The following GRID2 variants were observed in gnomAD, a reference collection of about 807,000 sequenced individuals.
The protein encoded by GRID2 is glutamate ionotropic receptor delta type subunit 2.
Under a neutral mutation model 114.8 loss-of-function variants are expected in GRID2, and 33 were observed. The ratio of observed to expected loss-of-function variants is 0.29; its 90% CI spans 0.22 to 0.38. GRID2 has a LOEUF of 0.38. GRID2 is among the 10% of genes least tolerant of loss of function. The pLI is 1.00. For synonymous variants in GRID2, 505 were observed against 449.9 expected (o/e 1.12, Z -1.55); for missense variants, 1,184 against 1,257.7 (o/e 0.94, Z 0.89).
chr4:93,443,960 G>A (rs567013207), intron 10 of GRID2, among the ~76,000 whole-genome samples: 2 of 151,908 alleles, frequency 1.3e-5, no homozygotes, highest in Admixed American at 6.6e-5. Flanking sequence ...TGTGGGCAAA[G>A]CAATGTGAAA....
At position 93,201,458 on chromosome 4, in the gene GRID2, G is replaced by C. The variant is rs1041426452; in HGVS notation, c.736-5946G>C. Among the ~76,000 whole-genome samples, 5 of 152,290 alleles carry C rather than the reference G, an allele frequency of 3.3e-5. No individual in the cohort carries two copies. In the South Asian group the frequency reaches 1.0e-3, roughly 32 times the overall value. On this transcript the variant is annotated intron_variant, in intron 4 of 15. Transcript: ENST00000282020. Reference sequence around the variant, plus strand: ...GTATCTGCTGGTGTCCTCTGCCTATGCATGCCCCTTGCTGATCTCCACCTG... The same window carrying C: ...GTATCTGCTGGTGTCCTCTGCCTATCCATGCCCCTTGCTGATCTCCACCTG...
intron 13 of GRID2, among the ~76,000 whole-genome samples, chr4:93,592,650 A>G (rs961864411): frequency 6.6e-6 from 1 of 152,078 alleles, no homozygotes; most frequent in Non-Finnish European, 1.5e-5. Context: ...TAATGTTGAC[A>G]GTGGGGTGTT....
intron 8 of GRID2, among the ~76,000 whole-genome samples, chr4:93,389,718 A>T (rs188814710): frequency 2.6e-3 from 402 of 152,220 alleles, no homozygotes; most frequent in African/African-American, 9.4e-3. Flanking sequence ...CAAAATAATG[A>T]CTTTATTAAA....
chr4:93,790,359 AT>A (rs1348045537), intron 1 of GRID2, among the ~76,000 whole-genome samples: 1 of 152,184 alleles, frequency 6.6e-6, no homozygotes, highest in African/African-American at 2.4e-5. Context: ...ATCTACAATG[AT>A]TACTTAGAAT....
At chr4:93,780,903 A>ATAAT in intron 1 of GRID2, among the ~76,000 whole-genome samples, 4 of 152,358 alleles carry the variant, frequency 2.6e-5, no homozygotes, top group Admixed American at 2.6e-4. Context: ...GGGCTGGACA[A>ATAAT]TAATTTCGGT....
chr4:92,752,205 TC>T (rs1311197775), intron 2 of GRID2, among the ~76,000 whole-genome samples: 2 of 152,178 alleles, frequency 1.3e-5, no homozygotes, highest in African/African-American at 4.8e-5. Context: ...AAACTTCAAT[TC>T]AGTAGTGAGA....
chr4:92,880,451 G>A (rs1745925373), intron 2 of GRID2, among the ~76,000 whole-genome samples: 1 of 151,786 alleles, frequency 6.6e-6, no homozygotes, highest in Non-Finnish European at 1.5e-5. Context: ...CTAAAGCTTA[G>A]TTTCGACTTT....
intron 2 of GRID2, among the ~76,000 whole-genome samples, chr4:92,827,805 T>G (rs537426171): frequency 6.6e-6 from 1 of 152,236 alleles, no homozygotes; most frequent in Non-Finnish European, 1.5e-5. Context: ...TTTGCTATTT[T>G]ATGTTTCAAA....
chr4:93,334,258 A>G (rs1028011405), intron 8 of GRID2, among the ~76,000 whole-genome samples: 1 of 152,182 alleles, frequency 6.6e-6, no homozygotes, highest in South Asian at 2.1e-4. Flanking sequence ...TTCCCACAGC[A>G]TGCAAATTAT....
chr4:92,996,362 A>C lies in GRID2; in HGVS notation c.245-88633A>C, dbSNP rs190948504. Reference sequence around the variant, plus strand: ...GATGTTTGCTACTAAAAGGTTTTTAATTATTTATTTTTATCATATCATATT... The same window carrying C: ...GATGTTTGCTACTAAAAGGTTTTTACTTATTTATTTTTATCATATCATATT... On this transcript the variant is annotated intron_variant, in intron 2 of 15. Coordinates refer to ENST00000282020, the MANE Select transcript of GRID2 (RefSeq NM_001510.4). Among the ~76,000 whole-genome samples, 218 of 152,168 alleles carry C rather than the reference A, an allele frequency of 1.4e-3. 1 individual carries two copies. The highest frequency in any genetic ancestry group is 5.2e-3 in the African/African-American group (215 of 41,524).
At chr4:93,798,681 C>G (rs564741479) in intron 1 of GRID2, among the ~76,000 whole-genome samples, 1 of 152,200 alleles carries the variant, frequency 6.6e-6, no homozygotes, top group Non-Finnish European at 1.5e-5. Flanking sequence ...GTGTTATTGA[C>G]AACACAGAAT....
At chr4:92,588,835 G>T (rs1204455030) in intron 1 of GRID2, among the ~76,000 whole-genome samples, 2 of 152,098 alleles carry the variant, frequency 1.3e-5, no homozygotes, top group African/African-American at 4.8e-5. Context: ...AGGCACAGCG[G>T]CTCACTCCTT....
intron 1 of GRID2, among the ~76,000 whole-genome samples, chr4:92,376,018 A>C (rs1370111066): frequency 6.6e-6 from 1 of 152,174 alleles, no homozygotes; most frequent in African/African-American, 2.4e-5. Context: ...TCTCCATAAA[A>C]GAATTTTTTT....
rs550935621 is a variant in GRID2 at position 92,412,472 on chromosome 4, A to C, written c.88+107728A>C. 3.3e-5 allele frequency among the ~76,000 whole-genome samples: 5 copies of C among 152,244 alleles called. No individual in the cohort carries two copies. The South Asian group carries it at 6.2e-4, about 19-fold the overall frequency. The stretch of plus-strand genomic sequence containing the variant: ...ACATTTATATTTTTCTCTAGAAAAC[A>C]ATGTTTTCTACAATATTGATTTGTA... On this transcript the variant is annotated intron_variant, in intron 1 of 15. Coordinates refer to ENST00000282020, the MANE Select transcript of GRID2 (RefSeq NM_001510.4).
Position 92,740,750 on chromosome 4 carries a change from A to G in GRID2, c.244+150464A>G, listed in dbSNP as rs565949311. ...TAGATAGATAGATAGATGGATAGAT[A>G]GATAGACAGATAGATAGATAGAGTT... On this transcript the variant is annotated intron_variant, in intron 2 of 15. Coordinates refer to ENST00000282020, the MANE Select transcript of GRID2 (RefSeq NM_001510.4). Among the ~76,000 whole-genome samples the G allele has an allele frequency of 2.0e-5, 3 of 148,306 alleles. No homozygotes were observed. In the East Asian group the frequency reaches 5.9e-4, roughly 29 times the overall value.
chr4:92,634,527 G>A (rs532099173), intron 2 of GRID2, among the ~76,000 whole-genome samples: 1 of 152,228 alleles, frequency 6.6e-6, no homozygotes, highest in Admixed American at 6.6e-5. Context: ...AGAGGAAGGT[G>A]TAGAAACACA....
chr4:92,732,785 A>G (rs1736391530), intron 2 of GRID2, among the ~76,000 whole-genome samples: 1 of 152,056 alleles, frequency 6.6e-6, no homozygotes, highest in Admixed American at 6.6e-5. Context: ...TTTTTCATAT[A>G]TGTATGCTTG....
chr4:93,017,806 G>GAAAA (rs796967580), intron 2 of GRID2, among the ~76,000 whole-genome samples: 1 of 49,260 alleles, frequency 2.0e-5, no homozygotes, highest in Non-Finnish European at 4.3e-5. Context: ...TCCTTTTCAA[G>GAAAA]AAAAAAAAAA....
intron 14 of GRID2, among the ~76,000 whole-genome samples, chr4:93,663,057 T>C (rs1723634701): frequency 1.3e-5 from 2 of 152,118 alleles, no homozygotes; most frequent in South Asian, 4.1e-4. Context: ...GAGACACAGA[T>C]AAATGGAACA....
Sources: gnomAD v4.1 joint callset for allele counts (sites outside exome capture counted in the v4.1 genomes callset) on GRCh38, gnomAD v4.1.1 for gene constraint, MANE v1.5 for transcripts, NCBI Gene and HGNC (gene_info 2026-07-23, HGNC 2026-07-21) for gene names.